Variants in FBN3 observed in about 807,000 individuals in gnomAD.
FBN3 encodes fibrillin-3.
Under a neutral mutation model 330.1 loss-of-function variants are expected in FBN3, and 234 were observed. That is an observed-to-expected ratio of 0.71 (90% confidence interval 0.64 to 0.79). The LOEUF (loss-of-function observed/expected upper bound fraction) is 0.79, where lower values mean the gene tolerates loss of function less well. Among genes scored for constraint, FBN3 ranks in the 30% least tolerant of loss-of-function variants. The probability of loss-of-function intolerance (pLI) is 0.00; values close to 1 mark genes in which losing one functional copy is unlikely to be tolerated. For missense variants in FBN3, 3,606 were observed against 3,886.9 expected, an observed-to-expected ratio of 0.93 and a Z score of 1.92; for synonymous variants, 1,458 against 1,517.3, an observed-to-expected ratio of 0.96 and a Z score of 0.91.
intron 62 of FBN3, among the ~76,000 whole-genome samples, chr19:8,072,574 G>T (rs964433457): frequency 6.6e-6 from 1 of 152,114 alleles, no homozygotes; most frequent in Non-Finnish European, 1.5e-5. Flanking sequence ...CCCTGAGTGT[G>T]CCTGGGGATG....
intron 59 of FBN3, among the ~76,000 whole-genome samples, chr19:8,080,248 T>C (rs1228951543): frequency 6.6e-6 from 1 of 152,188 alleles, no homozygotes; most frequent in Non-Finnish European, 1.5e-5. Context: ...GGCAGATTAG[T>C]GGGCGCGTGA....
chr19:8,105,365 C>T (rs757747855), intron 38 of FBN3, among the ~76,000 whole-genome samples: 12 of 151,798 alleles, frequency 7.9e-5, no homozygotes, highest in Non-Finnish European at 1.3e-4. Context: ...TCAAGTGATC[C>T]TCCTGCCTCA....
At chr19:8,143,480 C>T (rs1273957933) in intron 6 of FBN3, among the ~76,000 whole-genome samples, 2 of 142,408 alleles carry the variant, frequency 1.4e-5, no homozygotes, top group African/African-American at 5.4e-5. Flanking sequence ...GTCCGTTCTC[C>T]TTTTTTCTTT....
At chr19:8,115,435 G>A (rs2082683681) in intron 30 of FBN3, 80 bp downstream of exon 30, 4 of 1,510,310 alleles carry the variant, frequency 2.6e-6, no homozygotes, top group African/African-American at 2.7e-5. Context: ...GCTCTGCCCT[G>A]GGGGATGGAA....
chr19:8,072,527 T>C (rs893624234), intron 62 of FBN3, among the ~76,000 whole-genome samples: 1 of 152,078 alleles, frequency 6.6e-6, no homozygotes, highest in Non-Finnish European at 1.5e-5. Context: ...GAATAACTCA[T>C]GCAGGCACAT....
At chr19:8,110,488 A>G (rs1405253579) in intron 34 of FBN3, among the ~76,000 whole-genome samples, 1 of 152,222 alleles carries the variant, frequency 6.6e-6, no homozygotes, top group African/African-American at 2.4e-5. Flanking sequence ...ATTCATTTAC[A>G]TATTGCTTGT....
In FBN3 at chr19:8,121,479, G is replaced by A; in HGVS notation, c.3083-93C>T. On this transcript the variant is annotated intron_variant, in intron 24 of 63. Transcript: ENST00000600128. This position sits in a 1 kb window ranked among gnomAD's most constrained non-coding sequence, Gnocchi z 4.5. Reference sequence around the variant, plus strand: ...GTCCCTGTCCTTTGATGGAGGTGTGGGCTAGAGGAAGCCCATCTGCAGACA... The same window carrying A: ...GTCCCTGTCCTTTGATGGAGGTGTGAGCTAGAGGAAGCCCATCTGCAGACA... 1 of 1,318,574 alleles carries A rather than the reference G, an allele frequency of 7.6e-7. No homozygotes were observed. Among genetic ancestry groups the A allele is most frequent in the Non-Finnish European group, 1.0e-6 (1 of 984,054 alleles). 81.7% of individuals were successfully genotyped at this position (1,318,574 alleles called of 1,614,324 possible).
At chr19:8,111,265 A>G in intron 32 of FBN3, 82 bp from the exon 33 acceptor site, 2 of 1,480,352 alleles carry the variant, frequency 1.4e-6, no homozygotes, top group Non-Finnish European at 1.8e-6. Flanking sequence ...CAGTCACTGG[A>G]ACACTTCGCT....
In FBN3 at chr19:8,132,217, T is replaced by TA. The variant is rs201303011; in HGVS notation, c.1715-389dup. Among the ~76,000 whole-genome samples the TA allele has an allele frequency of 4.7e-3, 720 of 152,176 alleles. 7 individuals carry two copies. Among genetic ancestry groups the TA allele is most frequent in the African/African-American group, 0.017 (685 of 41,498 alleles). On this transcript the variant is annotated intron_variant, in intron 14 of 63. Coordinates refer to ENST00000600128, the MANE Select transcript of FBN3 (RefSeq NM_032447.5). ...TTCATCTCCATGTTCGGCTAATTTT[T>TA]AAAAATTTTTTATAGAGACGGAGTC...
At chr19:8,106,412 T>A (rs1319098882) in intron 37 of FBN3, among the ~76,000 whole-genome samples, 179 bp from the exon 38 acceptor site, 1 of 152,220 alleles carries the variant, frequency 6.6e-6, no homozygotes, top group African/African-American at 2.4e-5. Context: ...CTTGAGTTAA[T>A]GTTACCCTAA....
Position 8,095,376 on chromosome 19 carries a change from C to T in FBN3, c.5784G>A (p.Val1928=). The T allele has an allele frequency of 6.2e-7, 1 of 1,613,000 alleles. No individual in the cohort carries two copies. Among genetic ancestry groups the T allele is most frequent in the Admixed American group, 1.7e-5 (1 of 59,944 alleles). The change falls in exon 46 of 64, where the codon GTG becomes GTA. Residue 1928 remains valine, a splice_region_variant and synonymous_variant. Transcript: ENST00000600128. Reference sequence around the variant, plus strand: ...TCCGAGCACCATAGGCAGACTCACCCACACAGTTCTTCCCATCAGCTGTGA... The same window carrying T: ...TCCGAGCACCATAGGCAGACTCACCTACACAGTTCTTCCCATCAGCTGTGA... ...FELTADGKNC[V]DTNECLSLAG... is the part of the protein sequence containing the mutation.
chr19:8,097,552 C>T (rs2144737119), intron 41 of FBN3, 138 bp from the exon 42 acceptor site: 1 of 891,836 alleles, frequency 1.1e-6, no homozygotes, highest in Non-Finnish European at 1.6e-6. Context: ...GAAAATCTTG[C>T]TGTGACCAAA....
chr19:8,146,406 G>A (rs1442863638), intron 3 of FBN3, among the ~76,000 whole-genome samples, 181 bp from the exon 4 acceptor site: 2 of 152,198 alleles, frequency 1.3e-5, no homozygotes, highest in African/African-American at 4.8e-5. Flanking sequence ...CTCGGGCTGG[G>A]CTGGGCAGGG....
intron 30 of FBN3, among the ~76,000 whole-genome samples, chr19:8,113,389 T>C (rs2082633425): frequency 1.3e-5 from 2 of 152,176 alleles, no homozygotes; most frequent in Admixed American, 1.3e-4. Context: ...CTCAGCCTCT[T>C]GAGTAGCTAA....
intron 27 of FBN3, 85 bp downstream of exon 27, chr19:8,117,379 G>C: frequency 6.5e-7 from 1 of 1,543,590 alleles, no homozygotes; most frequent in South Asian, 1.2e-5. Flanking sequence ...GAGCAGAGTG[G>C]AGTTGAGGTG....
At chr19:8,144,174 G>C (rs1463972508) in intron 6 of FBN3, among the ~76,000 whole-genome samples, 2 of 151,938 alleles carry the variant, frequency 1.3e-5, no homozygotes, top group African/African-American at 2.4e-5. Flanking sequence ...GCTGAGACAG[G>C]CAGATCACTT....
intron 25 of FBN3, among the ~76,000 whole-genome samples, chr19:8,119,700 G>T (rs546521297): frequency 6.6e-6 from 1 of 151,482 alleles, no homozygotes; most frequent in East Asian, 1.9e-4. Context: ...TTTTAGTAGA[G>T]ACAGCGTTTC....
intron 32 of FBN3, 29 bp from the exon 33 acceptor site, chr19:8,111,212 G>A: frequency 6.4e-7 from 1 of 1,564,680 alleles, no homozygotes; most frequent in Non-Finnish European, 8.6e-7. Context: ...CGGAGGGCTG[G>A]AGGCCGGTGG....
At chr19:8,111,303 C>T in intron 32 of FBN3, 120 bp from the exon 33 acceptor site, 1 of 1,283,362 alleles carries the variant, frequency 7.8e-7, no homozygotes, top group East Asian at 2.4e-5. Flanking sequence ...GCAAGTAGCC[C>T]TGGGGACTCA....
Sources: gnomAD v4.1 joint callset for allele counts (sites outside exome capture counted in the v4.1 genomes callset) on GRCh38, gnomAD v4.1.1 for gene constraint, Gnocchi (gnomAD v3.1) non-coding constraint, MANE v1.5 for transcripts, NCBI Gene and HGNC (gene_info 2026-07-23, HGNC 2026-07-21) for gene names.